Variants in CCDC102B observed in about 807,000 individuals in gnomAD.
CCDC102B encodes the protein coiled-coil domain containing 102B.
A neutral mutation model predicts 57.4 loss-of-function variants in CCDC102B; 75 were observed. The observed-to-expected ratio is 1.31, with a 90% confidence interval of 1.08 to 1.58. The LOEUF (loss-of-function observed/expected upper bound fraction) is 1.58, where lower values mean the gene tolerates loss of function less well. Among genes scored for constraint, CCDC102B ranks in the 40% most tolerant of loss-of-function variants. CCDC102B has a pLI of 0.00. For missense variants in CCDC102B, 636 were observed against 582.6 expected, an observed-to-expected ratio of 1.09 and a Z score of -0.94; for synonymous variants, 206 against 201.9, an observed-to-expected ratio of 1.02 and a Z score of -0.17.
chr18:69,006,036 T>C (rs2051331322), intron 6 of CCDC102B, among the ~76,000 whole-genome samples: 1 of 152,084 alleles, frequency 6.6e-6, no homozygotes, highest in Admixed American at 6.5e-5. Flanking sequence ...ACATAGTAAT[T>C]ATGTATTTTT....
At chr18:68,916,068 ATTCC>A (rs1021778295) in intron 6 of CCDC102B, among the ~76,000 whole-genome samples, 18 of 152,298 alleles carry the variant, frequency 1.2e-4, no homozygotes, top group African/African-American at 4.1e-4. Flanking sequence ...GTTAGCATCT[ATTCC>A]TTCCTTTGTT....
At chr18:68,889,996 C>G (rs544707589) in intron 5 of CCDC102B, among the ~76,000 whole-genome samples, 1 of 152,332 alleles carries the variant, frequency 6.6e-6, no homozygotes, top group South Asian at 2.1e-4. Context: ...TTTCTTCAAA[C>G]AGCCCTGGCA....
At chr18:68,737,943 A>C (rs2033218582) in intron 2 of CCDC102B, among the ~76,000 whole-genome samples, 1 of 152,082 alleles carries the variant, frequency 6.6e-6, no homozygotes, top group African/African-American at 2.4e-5. Flanking sequence ...AATCCCTTGA[A>C]TGTGGATGGC....
chr18:68,788,375 G>C (rs1014915663), intron 2 of CCDC102B, among the ~76,000 whole-genome samples: 1 of 148,716 alleles, frequency 6.7e-6, no homozygotes, highest in Non-Finnish European at 1.5e-5. Context: ...TTCAATTCCT[G>C]GGTATCCTTG....
rs113728285 is a variant in CCDC102B at position 69,033,369 on chromosome 18, C to A, written c.1435-20661C>A. On this transcript the variant is annotated intron_variant, in intron 7 of 7. Transcript: ENST00000360242. ...TTAGTATCATCATCATGTTGTGTAA[C>A]AATCACTACAATCTAATTTTAAAAC... Among the ~76,000 whole-genome samples, 202 of 152,198 alleles carry A rather than the reference C, an allele frequency of 1.3e-3. 1 individual carries two copies. Among genetic ancestry groups the A allele is most frequent in the African/African-American group, 4.5e-3 (186 of 41,550 alleles).
chr18:68,993,327 C>A (rs1409719485), intron 6 of CCDC102B: 3 of 152,246 alleles, frequency 2.0e-5, no homozygotes, highest in Non-Finnish European at 4.4e-5. Context: ...TGACCCGCAC[C>A]CAAGGGACTC....
At chr18:69,029,079 A>C (rs2052068601) in intron 7 of CCDC102B, among the ~76,000 whole-genome samples, 1 of 152,224 alleles carries the variant, frequency 6.6e-6, no homozygotes, top group African/African-American at 2.4e-5. Flanking sequence ...TCTACATAGA[A>C]TGTATTCACG....
At position 68,751,336 on chromosome 18, in the gene CCDC102B, T is replaced by A. The variant is rs190703308; in HGVS notation, c.-67+34742T>A. On this transcript the variant is annotated intron_variant, in intron 2 of 3. Coordinates refer to the CCDC102B transcript ENST00000578970. ...AAAGGCACCTCACTTAATACATTCA[T>A]GGCCAGCAGCACCATAACTCATGCC... Among the ~76,000 whole-genome samples the A allele has an allele frequency of 1.1e-3, 164 of 152,316 alleles. 1 individual carries two copies. Among genetic ancestry groups the A allele is most frequent in the African/African-American group, 3.9e-3 (162 of 41,578 alleles).
intron 7 of CCDC102B, among the ~76,000 whole-genome samples, chr18:69,015,531 A>G (rs189717442): frequency 5.8e-4 from 89 of 152,308 alleles, no homozygotes; most frequent in African/African-American, 1.9e-3. Context: ...ATAGTAGCAA[A>G]TTCTTCAGCT....
chr18:68,805,336 G>A (rs1356307815), intron 1 of CCDC102B, among the ~76,000 whole-genome samples: 1 of 152,138 alleles, frequency 6.6e-6, no homozygotes, highest in Non-Finnish European at 1.5e-5. Flanking sequence ...CCCATATGAG[G>A]TTCAGAGTCA....
intron 7 of CCDC102B, among the ~76,000 whole-genome samples, chr18:69,030,267 G>T (rs996385065): frequency 6.6e-6 from 1 of 152,014 alleles, no homozygotes; most frequent in Non-Finnish European, 1.5e-5. Context: ...CTATCCTAAT[G>T]TGCCAGTTCA....
chr18:68,867,921 T>G (rs1198520723), intron 4 of CCDC102B, among the ~76,000 whole-genome samples: 2 of 151,480 alleles, frequency 1.3e-5, no homozygotes, highest in Non-Finnish European at 2.9e-5. Context: ...GGCGAAAGAG[T>G]AAGACTCCGT....
rs552601106 is a variant in CCDC102B at position 69,008,129 on chromosome 18, T to C, written c.1264-2805T>C. Among the ~76,000 whole-genome samples, 6 of 152,370 alleles carry C rather than the reference T, an allele frequency of 3.9e-5. No homozygotes were observed. In the East Asian group the frequency reaches 9.6e-4, roughly 24 times the overall value. On this transcript the variant is annotated intron_variant, in intron 6 of 7. Transcript: ENST00000360242. Reference sequence around the variant, plus strand: ...TTATTTGTGCAGCAAATTCTTTATGTCTGACAGATCAAGAAAGATCTTTTT... The same window carrying C: ...TTATTTGTGCAGCAAATTCTTTATGCCTGACAGATCAAGAAAGATCTTTTT...
intron 6 of CCDC102B, among the ~76,000 whole-genome samples, chr18:68,953,999 T>C (rs1489476024): frequency 6.6e-6 from 1 of 152,062 alleles, no homozygotes; most frequent in Non-Finnish European, 1.5e-5. Context: ...GGAGAGACCA[T>C]GTTATGTTTA....
chr18:68,779,498 TC>T (rs2034934101), intron 2 of CCDC102B, among the ~76,000 whole-genome samples: 1 of 152,108 alleles, frequency 6.6e-6, no homozygotes, highest in Non-Finnish European at 1.5e-5. Flanking sequence ...ATCTCACCTT[TC>T]TTTTGTATTT....
intron 4 of CCDC102B, among the ~76,000 whole-genome samples, chr18:68,863,431 T>G (rs2038846228): frequency 6.6e-6 from 1 of 151,986 alleles, no homozygotes; most frequent in Non-Finnish European, 1.5e-5. Flanking sequence ...GCACATGATA[T>G]ATGATTGTGT....
chr18:68,897,573 A>G (rs778723614), intron 6 of CCDC102B, 145 bp downstream of exon 6: 14 of 1,578,734 alleles, frequency 8.9e-6, no homozygotes, highest in Non-Finnish European at 1.2e-5. Flanking sequence ...TCTTTTGCCC[A>G]CTAGGATGTA....
intron 2 of CCDC102B, among the ~76,000 whole-genome samples, chr18:68,739,352 C>A (rs1216673887): frequency 6.6e-6 from 1 of 152,172 alleles, no homozygotes; most frequent in South Asian, 2.1e-4. Context: ...CTCACTGTTT[C>A]ATGAACAAAG....
chr18:68,765,205 C>T (rs2034387994), intron 2 of CCDC102B, among the ~76,000 whole-genome samples: 1 of 148,556 alleles, frequency 6.7e-6, no homozygotes, highest in Admixed American at 6.8e-5. Flanking sequence ...GCCTGGGTGT[C>T]AGAGTGAGAA....
Sources: allele counts gnomAD v4.1 joint callset (sites outside exome capture counted in the v4.1 genomes callset), GRCh38; gene constraint gnomAD v4.1.1; transcripts MANE v1.5; gene names NCBI Gene and HGNC (gene_info 2026-07-23, HGNC 2026-07-21).